The following CCDC150 variants were observed in gnomAD, a reference collection of about 807,000 sequenced individuals.
The protein encoded by CCDC150 is coiled-coil domain containing 150, also known as coiled-coil domain-containing protein 150.
In CCDC150, 151 loss-of-function variants were observed where a neutral mutation model predicts 156.5. The ratio of observed to expected loss-of-function variants is 0.97; its 90% confidence interval spans 0.85 to 1.10. The LOEUF (loss-of-function observed/expected upper bound fraction) is 1.10. Among genes scored for constraint, CCDC150 ranks in the 50% least tolerant of loss-of-function variants. The probability of loss-of-function intolerance (pLI) is 0.00; values close to 1 mark genes in which losing one functional copy is unlikely to be tolerated. For synonymous variants in CCDC150, 452 were observed against 429.4 expected (o/e 1.05, Z -0.65); for missense variants, 1,312 against 1,268.1 (o/e 1.03, Z -0.53).
At chr2:196,651,111 A>C (rs539514516) in intron 2 of CCDC150, among the ~76,000 whole-genome samples, 1 of 152,354 alleles carries the variant, frequency 6.6e-6, no homozygotes, top group East Asian at 1.9e-4. Context: ...TACAAAAAAC[A>C]CAGTAGGCTA....
chr2:196,663,341 A>T (rs1210922306), intron 5 of CCDC150, among the ~76,000 whole-genome samples: 2 of 152,226 alleles, frequency 1.3e-5, no homozygotes, highest in African/African-American at 4.8e-5. Flanking sequence ...TAAAGAGTTG[A>T]TAACTATATT....
At chr2:196,678,769 G>A (rs116776174) in intron 13 of CCDC150, among the ~76,000 whole-genome samples, 17,771 of 152,002 alleles carry the variant, frequency 0.12, 1,147 homozygotes, top group Middle Eastern at 0.19. Context: ...AACCAGGTGC[G>A]GTGGCGCACA....
intron 2 of CCDC150, among the ~76,000 whole-genome samples, chr2:196,655,495 A>G (rs1320432070): frequency 6.6e-6 from 1 of 152,210 alleles, no homozygotes; most frequent in Non-Finnish European, 1.5e-5. Context: ...TTAGGCTGCC[A>G]GAGGTGTATT....
chr2:196,655,199 A>G (rs1693116308), intron 2 of CCDC150, among the ~76,000 whole-genome samples: 1 of 152,216 alleles, frequency 6.6e-6, no homozygotes, highest in Non-Finnish European at 1.5e-5. Flanking sequence ...TCTGTGGCAA[A>G]TACCTATACT....
rs534261450 is a variant in CCDC150 at position 196,694,211 on chromosome 2, C to G, written c.1510-835C>G. On this transcript the variant is annotated intron_variant, in intron 13 of 27. Transcript: ENST00000389175. Reference sequence around the variant, plus strand: ...AGCTGGGATTATAGGCATGTGCCACCACGCCTGGCTAATTTTGCATTTTTA... The same window carrying G: ...AGCTGGGATTATAGGCATGTGCCACGACGCCTGGCTAATTTTGCATTTTTA... 2.6e-5 allele frequency among the ~76,000 whole-genome samples: 4 copies of G among 152,204 alleles called. No individual in the cohort carries two copies. The East Asian group carries it at 7.7e-4, about 29-fold the overall frequency.
In CCDC150 at chr2:196,722,531, C is replaced by T. The variant is rs1697984795; in HGVS notation, c.2429+840C>T. Among the ~76,000 whole-genome samples, 11 of 152,144 alleles carry T rather than the reference C, an allele frequency of 7.2e-5. No homozygotes were observed. In the South Asian group the frequency reaches 2.3e-3, roughly 32 times the overall value. On this transcript the variant is annotated intron_variant, in intron 21 of 27. Coordinates refer to ENST00000389175, the MANE Select transcript of CCDC150 (RefSeq NM_001080539.2). ...GGCTCAAACAATCCACCTGCCTGGCCTCCCAAAGTGCTGGGATTACAGGCA... is the reference window on the plus strand; with the variant it reads ...GGCTCAAACAATCCACCTGCCTGGCTTCCCAAAGTGCTGGGATTACAGGCA...
At chr2:196,726,721 GCTTA>G (rs1259699422) in intron 22 of CCDC150, 1 of 152,552 alleles carries the variant, frequency 6.6e-6, no homozygotes, top group African/African-American at 2.4e-5. Context: ...CACAGGCCAT[GCTTA>G]CTTACAAAAA....
chr2:196,701,873 G>T (rs1359996355), intron 15 of CCDC150, among the ~76,000 whole-genome samples: 1 of 152,184 alleles, frequency 6.6e-6, no homozygotes, highest in Non-Finnish European at 1.5e-5. Flanking sequence ...GGATGGGATG[G>T]TTGGTGTATG....
chr2:196,725,118 A>T (rs190284576), intron 21 of CCDC150, among the ~76,000 whole-genome samples: 2 of 152,312 alleles, frequency 1.3e-5, no homozygotes, highest in East Asian at 3.9e-4. Context: ...TGGATATATT[A>T]TACAAATAAG....
chr2:196,656,870 C>A lies in CCDC150; in HGVS notation c.397+17C>A, dbSNP rs1307622682. 1 of 1,612,508 alleles carries A rather than the reference C, an allele frequency of 6.2e-7. No homozygotes were observed. The highest frequency in any genetic ancestry group is 1.1e-5 in the South Asian group (1 of 91,016). On this transcript the variant is annotated intron_variant, in intron 3 of 27. Transcript: ENST00000389175. ...AGAAAACAGGTATAGAGATAAGAAT[C>A]ATCAGAAATGTGGTCCTGTATAGGT...
intron 5 of CCDC150, among the ~76,000 whole-genome samples, chr2:196,662,656 G>C (rs530331537): frequency 6.6e-6 from 1 of 152,114 alleles, no homozygotes; most frequent in Non-Finnish European, 1.5e-5. Flanking sequence ...GGCCCCAGGG[G>C]TTGGCGACCC....
At chr2:196,665,202 A>G (rs1485335194) in intron 5 of CCDC150, among the ~76,000 whole-genome samples, 3 of 152,190 alleles carry the variant, frequency 2.0e-5, no homozygotes, top group African/African-American at 7.2e-5. Context: ...ACATACATAT[A>G]CACAAACATT....
At chr2:196,713,437 T>G in intron 17 of CCDC150, 1 of 1,550,838 alleles carries the variant, frequency 6.4e-7, no homozygotes, top group East Asian at 2.4e-5. Context: ...ATGTAAACAG[T>G]ATAAAGGAAA....
intron 15 of CCDC150, among the ~76,000 whole-genome samples, chr2:196,706,388 C>T (rs1377704836): frequency 1.3e-5 from 2 of 152,126 alleles, no homozygotes; most frequent in Non-Finnish European, 2.9e-5. Context: ...TCTGAAGTAG[C>T]TTATCAGCTT....
chr2:196,718,501 A>C lies in CCDC150; in HGVS notation c.1867-2A>C, dbSNP rs752511756. 1.9e-6 allele frequency: 3 copies of C among 1,602,358 alleles called. No individual in the cohort carries two copies. ...ATTTATTGTTTCTTTTTTCCTACTT[A>C]GGTGAAATCTATTCTTGAAAGAAGT... On this transcript the variant is annotated splice_acceptor_variant, in intron 17 of 27. Coordinates refer to ENST00000389175, the MANE Select transcript of CCDC150 (RefSeq NM_001080539.2). LOFTEE classifies it high-confidence loss of function.
At chr2:196,655,976 T>C (rs1693163669) in intron 2 of CCDC150, among the ~76,000 whole-genome samples, 1 of 152,110 alleles carries the variant, frequency 6.6e-6, no homozygotes, top group Non-Finnish European at 1.5e-5. Context: ...TGTATGAAGC[T>C]CAACTGGTAA....
intron 1 of CCDC150, 61 bp from the exon 2 acceptor site, chr2:196,646,280 C>T (rs914462143): frequency 3.2e-5 from 47 of 1,462,132 alleles, no homozygotes; most frequent in Non-Finnish European, 4.5e-5. Flanking sequence ...ACAGGAATGG[C>T]AGTGACTATT....
intron 13 of CCDC150, among the ~76,000 whole-genome samples, chr2:196,677,577 G>A (rs139144067): frequency 2.2e-4 from 33 of 152,304 alleles, no homozygotes; most frequent in African/African-American, 6.7e-4. Context: ...GTTTGCCAGT[G>A]AGTCATCACT....
chr2:196,676,988 T>A (rs1386919732), intron 12 of CCDC150: 10 of 653,568 alleles, frequency 1.5e-5, no homozygotes, highest in African/African-American at 3.6e-5. Context: ...AGTTAAGGGG[T>A]CAGATTTTAA....
Sources: gnomAD v4.1 joint callset for allele counts (sites outside exome capture counted in the v4.1 genomes callset) on GRCh38, gnomAD v4.1.1 for gene constraint, MANE v1.5 for transcripts, NCBI Gene and HGNC (gene_info 2026-07-23, HGNC 2026-07-21) for gene names.